Variants in GATA6 observed in about 807,000 individuals in gnomAD.
GATA6 encodes the protein GATA binding protein 6, also known as transcription factor GATA-6.
In GATA6, 11 loss-of-function variants were observed where a neutral mutation model predicts 48.1. The ratio of observed to expected loss-of-function variants is 0.23; its 90% confidence interval spans 0.14 to 0.38. The LOEUF is 0.38. Among genes scored for constraint, GATA6 ranks in the 10% least tolerant of loss-of-function variants. The pLI is 1.00. For synonymous variants in GATA6, 419 were observed against 396.1 expected, an observed-to-expected ratio of 1.06 and a Z score of -0.69; for missense variants, 795 against 850.3, an observed-to-expected ratio of 0.93 and a Z score of 0.81.
At chr18:22,182,004 G>A (rs2055024375) in intron 4 of GATA6, among the ~76,000 whole-genome samples, 1 of 152,138 alleles carries the variant, frequency 6.6e-6, no homozygotes, top group Non-Finnish European at 1.5e-5. Flanking sequence ...AATGTAATCA[G>A]ACATTTGTGC....
intron 2 of GATA6, among the ~76,000 whole-genome samples, chr18:22,173,517 A>G (rs2033082732): frequency 6.6e-6 from 1 of 152,196 alleles, no homozygotes; most frequent in Non-Finnish European, 1.5e-5. Context: ...AGGATTCCTT[A>G]GGATAAAATG....
intron 3 of GATA6, among the ~76,000 whole-genome samples, chr18:22,177,952 GTTT>G (rs775374335): frequency 2.5e-5 from 2 of 80,500 alleles, no homozygotes; most frequent in African/African-American, 4.9e-5. Context: ...CTGTTTTTTT[GTTT>G]TTTTTTTTTT....
chr18:22,173,022 C>A (rs2033076687), intron 2 of GATA6, among the ~76,000 whole-genome samples: 1 of 152,192 alleles, frequency 6.6e-6, no homozygotes, highest in South Asian at 2.1e-4. Flanking sequence ...ACTCAGGGAT[C>A]CTGGAGCTGG....
At position 22,171,198 on chromosome 18, in the gene GATA6, T is replaced by C; in HGVS notation, c.54T>C (p.Gly18=). 1 of 1,599,232 alleles carries C rather than the reference T, an allele frequency of 6.3e-7. No homozygotes were observed. The highest frequency in any genetic ancestry group is 8.5e-7 in the Non-Finnish European group (1 of 1,179,330). ...TGCCGAAGCGCTTCGGGGCCGCGGGTGCGGACGCCAGCGACTCCAGAGCCT... is the reference window on the plus strand; with the variant it reads ...TGCCGAAGCGCTTCGGGGCCGCGGGCGCGGACGCCAGCGACTCCAGAGCCT... ...WCLPKRFGAA[G]ADASDSRAFP... The change falls in exon 2 of 7, where the codon GGT becomes GGC. Residue 18 remains glycine, a synonymous_variant. Coordinates refer to ENST00000269216, the MANE Select transcript of GATA6 (RefSeq NM_005257.6). The surrounding 1 kb of genome is among the most constrained non-coding windows in gnomAD (Gnocchi z 7.1).
In GATA6 at chr18:22,172,748, C is replaced by G. The variant is rs1378290941; in HGVS notation, c.1135+469C>G. On this transcript the variant is annotated intron_variant, in intron 2 of 6. Coordinates refer to ENST00000269216, the MANE Select transcript of GATA6 (RefSeq NM_005257.6). This position sits in a 1 kb window ranked among gnomAD's most constrained non-coding sequence, Gnocchi z 5.2. ...AAACAGACACACAAGCACATGCAGGCTCACCCAGTTTAACTCTCCAAAGGG... is the reference window on the plus strand; with the variant it reads ...AAACAGACACACAAGCACATGCAGGGTCACCCAGTTTAACTCTCCAAAGGG... Among the ~76,000 whole-genome samples the G allele has an allele frequency of 2.0e-5, 3 of 152,146 alleles. No homozygotes were observed.
intron 6 of GATA6, among the ~76,000 whole-genome samples, chr18:22,200,229 T>C (rs1219177218): frequency 2.0e-5 from 3 of 152,170 alleles, no homozygotes; most frequent in Non-Finnish European, 4.4e-5. Context: ...GCGCTCTGCA[T>C]TTTCTCTTTG....
In GATA6 at chr18:22,171,970, G is replaced by C; in HGVS notation, c.826G>C (p.Ala276Pro). 8.3e-7 allele frequency: 1 copy of C among 1,209,704 alleles called. No homozygotes were observed. Among genetic ancestry groups the C allele is most frequent in the Non-Finnish European group, 1.0e-6 (1 of 974,444 alleles). The allele number at this position is 1,209,704 out of a possible 1,614,324, so 74.9% of individuals were successfully genotyped here. The change falls in exon 2 of 7, where the codon GCG becomes CCG. Residue 276 changes from alanine to proline, a missense_variant. Physicochemically the swap from Ala to Pro is conservative, Grantham distance 27 (BLOSUM62 -1). This residue lies in a region of GATA6 where 591 missense variants were observed against 570.0 expected (regional missense o/e 1.04). Coordinates refer to ENST00000269216, the MANE Select transcript of GATA6 (RefSeq NM_005257.6). The surrounding 1 kb of genome is among the most constrained non-coding windows in gnomAD (Gnocchi z 7.1). ...CAGCCCGCCCATGGCCAACGGCGCC[G>C]CGCGGGAGCCGGGAGGCTACGCGGC... ...SPSPPMANGA[A>P]REPGGYAAAG...
At chr18:22,195,774 C>T (rs1021278218) in intron 6 of GATA6, among the ~76,000 whole-genome samples, 7 of 152,106 alleles carry the variant, frequency 4.6e-5, no homozygotes, top group Admixed American at 3.3e-4. Context: ...GCTCCATGAT[C>T]TTATTATTTT....
chr18:22,171,939 C>T lies in GATA6; in HGVS notation c.795C>T (p.Tyr265=), dbSNP rs1346309566. ...AAAHVSARFP[Y]SPSPPMANGA... is the part of the protein sequence containing the mutation. ...CGCACGTCTCGGCGCGCTTCCCCTA[C>T]TCTCCCAGCCCGCCCATGGCCAACG... Residue 265 remains tyrosine, a synonymous_variant, in exon 2 of 7, where the codon TAC becomes TAT. Transcript: ENST00000269216. The surrounding 1 kb of genome is among the most constrained non-coding windows in gnomAD (Gnocchi z 7.1). 1.7e-6 allele frequency: 2 copies of T among 1,191,662 alleles called. No individual in the cohort carries two copies. Among genetic ancestry groups the T allele is most frequent in the Non-Finnish European group, 2.1e-6 (2 of 962,508 alleles). The allele number at this position is 1,191,662 out of a possible 1,614,324, so 73.8% of individuals were successfully genotyped here.
chr18:22,179,491 G>GA (rs2033167531), intron 3 of GATA6, among the ~76,000 whole-genome samples: 1 of 152,152 alleles, frequency 6.6e-6, no homozygotes, highest in Admixed American at 6.5e-5. Context: ...GCAGTTGACA[G>GA]TCATAAAGTC....
chr18:22,189,386 C>G (rs1356558111), intron 6 of GATA6, among the ~76,000 whole-genome samples: 2 of 152,128 alleles, frequency 1.3e-5, no homozygotes, highest in Non-Finnish European at 2.9e-5. Flanking sequence ...TAGAAAAACA[C>G]CTTAGTAGGT....
intron 3 of GATA6, among the ~76,000 whole-genome samples, chr18:22,177,776 C>T (rs897862465): frequency 6.6e-6 from 1 of 152,118 alleles, no homozygotes; most frequent in Admixed American, 6.5e-5. Flanking sequence ...CTCTTATCCT[C>T]AGGTGTATCC....
chr18:22,198,194 TC>T (rs1435796088), intron 6 of GATA6, among the ~76,000 whole-genome samples: 1 of 151,948 alleles, frequency 6.6e-6, no homozygotes, highest in Non-Finnish European at 1.5e-5. Context: ...AAGCAATCCT[TC>T]CATCTCGGCT....
chr18:22,184,174 C>CT, intron 6 of GATA6, among the ~76,000 whole-genome samples: 1 of 152,222 alleles, frequency 6.6e-6, no homozygotes, highest in Admixed American at 6.5e-5. Context: ...TTTTTACTGG[C>CT]TTTAACAAAC....
chr18:22,196,752 A>G (rs28541873), intron 6 of GATA6, among the ~76,000 whole-genome samples: 2 of 152,162 alleles, frequency 1.3e-5, no homozygotes, highest in Admixed American at 1.3e-4. Context: ...AAAAATAAAA[A>G]ATAAAATAAA....
chr18:22,197,667 C>T (rs2033407913), intron 6 of GATA6, among the ~76,000 whole-genome samples: 1 of 152,194 alleles, frequency 6.6e-6, no homozygotes, highest in Non-Finnish European at 1.5e-5. Context: ...AACGTTAGCT[C>T]ATTTAATTGT....
chr18:22,178,633 G>A (rs1014948052), intron 3 of GATA6, among the ~76,000 whole-genome samples: 1 of 152,182 alleles, frequency 6.6e-6, no homozygotes. Flanking sequence ...GGTTGGTTTT[G>A]TTTTAATGCA....
rs757955115 is a variant in GATA6, at chr18:22,200,762, C to G, written c.1727C>G (p.Ser576Trp). The G allele has an allele frequency of 6.2e-7, 1 of 1,613,968 alleles. No individual in the cohort carries two copies. Among genetic ancestry groups the G allele is most frequent in the South Asian group, 1.1e-5 (1 of 91,064 alleles). ...CTCTACATAGGCGTCAGTCTCGCCT[C>G]GCCGGCCGAAGTCACGTCCTCCGTG... ...DGLYIGVSLASPAEVTSSVRP... is the reference protein window; with the variant it reads ...DGLYIGVSLAWPAEVTSSVRP... The change falls in exon 7 of 7, where the codon TCG (serine) becomes TGG (tryptophan). Residue 576 changes from serine (S) to tryptophan (W), a missense_variant. Around this residue, in one of 5 missense-constraint regions of GATA6, gnomAD observed 103 missense variants for 103.7 expected, o/e 0.99. Coordinates refer to ENST00000269216, the MANE Select transcript of GATA6 (RefSeq NM_005257.6).
chr18:22,177,156 C>T, intron 3 of GATA6, 35 bp downstream of exon 3: 1 of 1,525,662 alleles, frequency 6.6e-7, no homozygotes, highest in Non-Finnish European at 8.8e-7. Flanking sequence ...GGCTCGCGGC[C>T]GGCCCCGGGC....
Sources: allele counts gnomAD v4.1 joint callset (sites outside exome capture counted in the v4.1 genomes callset), GRCh38; gene constraint gnomAD v4.1.1; regional missense constraint gnomAD v4.1.1; non-coding constraint Gnocchi (gnomAD v3.1); transcripts MANE v1.5; gene names NCBI Gene and HGNC (gene_info 2026-07-23, HGNC 2026-07-21).